CDK17: variants seen among roughly 807,000 people sequenced by gnomAD.
The protein encoded by CDK17 is cyclin-dependent kinase 17.
In CDK17, 24 loss-of-function variants were observed where a neutral mutation model predicts 77.6. The ratio of observed to expected loss-of-function variants is 0.31; its 90% CI spans 0.22 to 0.44. The LOEUF is 0.44. Ranked by LOEUF, CDK17 falls within the 20% of genes least tolerant of loss-of-function variation. The probability of loss-of-function intolerance (pLI) is 1.00; values close to 1 mark genes in which losing one functional copy is unlikely to be tolerated. For synonymous variants in CDK17, 203 were observed against 210.4 expected (o/e 0.96, Z 0.30); for missense variants, 429 against 622.5 (o/e 0.69, Z 3.31).
intron 1 of CDK17, among the ~76,000 whole-genome samples, chr12:96,338,894 T>G (rs1953084776): frequency 6.6e-6 from 1 of 152,072 alleles, no homozygotes; most frequent in Non-Finnish European, 1.5e-5. Flanking sequence ...TACCACCATT[T>G]TCCATCTCCA....
In CDK17 at chr12:96,368,097, T is replaced by C. The variant is rs1033869427; in HGVS notation, c.-30+31889A>G. 4.6e-5 allele frequency among the ~76,000 whole-genome samples: 7 copies of C among 152,014 alleles called. No homozygotes were observed. In the South Asian group the frequency reaches 1.5e-3, roughly 32 times the overall value. On this transcript the variant is annotated intron_variant, in intron 1 of 16. Transcript: ENST00000261211. The stretch of plus-strand genomic sequence containing the variant: ...ATCTATATGAATGGCCTAGGAAAAG[T>C]TCAATAGGAAAAAAAAAAGAGTGTG...
chr12:96,317,267 G>A (rs1418142169), intron 3 of CDK17, among the ~76,000 whole-genome samples: 1 of 145,618 alleles, frequency 6.9e-6, no homozygotes, highest in African/African-American at 2.5e-5. Flanking sequence ...AAAAAGAAAT[G>A]AGCAAAGCCT....
At chr12:96,359,071 T>C (rs756444566) in intron 1 of CDK17, among the ~76,000 whole-genome samples, 12 of 151,996 alleles carry the variant, frequency 7.9e-5, no homozygotes, top group Non-Finnish European at 1.8e-4. Context: ...GTCTCTTTTG[T>C]AAGATGTATC....
At chr12:96,322,309 A>G (rs978152763) in intron 3 of CDK17, among the ~76,000 whole-genome samples, 2 of 152,220 alleles carry the variant, frequency 1.3e-5, no homozygotes, top group African/African-American at 4.8e-5. Flanking sequence ...CTGCGTTACT[A>G]ACATTTTCAA....
At chr12:96,358,150 T>A (rs1953429809) in intron 1 of CDK17, among the ~76,000 whole-genome samples, 1 of 152,130 alleles carries the variant, frequency 6.6e-6, no homozygotes, top group South Asian at 2.1e-4. Context: ...TAATGCTTTT[T>A]AAAAATACAA....
chr12:96,308,035 AT>A (rs780194232), intron 5 of CDK17, among the ~76,000 whole-genome samples: 1 of 152,094 alleles, frequency 6.6e-6, no homozygotes, highest in South Asian at 2.1e-4. Flanking sequence ...GCATAAAGTG[AT>A]TTTATTTTTT....
intron 1 of CDK17, among the ~76,000 whole-genome samples, chr12:96,342,184 G>A (rs11831637): frequency 1.3e-5 from 2 of 152,074 alleles, no homozygotes; most frequent in Non-Finnish European, 2.9e-5. Flanking sequence ...TTTCAGCAAC[G>A]ATGACTATAA....
At chr12:96,300,184 T>C (rs1442505530) in intron 6 of CDK17, 120 bp downstream of exon 6, 3 of 702,700 alleles carry the variant, frequency 4.3e-6, no homozygotes, top group Non-Finnish European at 5.1e-6. Context: ...AGAACAAGTA[T>C]ATAATCTTGT....
chr12:96,315,901 T>C (rs1256414726), intron 3 of CDK17, among the ~76,000 whole-genome samples: 2 of 152,074 alleles, frequency 1.3e-5, no homozygotes, highest in Non-Finnish European at 2.9e-5. Flanking sequence ...CCCAAAGTGC[T>C]ACACTTTTGA....
intron 1 of CDK17, among the ~76,000 whole-genome samples, chr12:96,371,753 G>C (rs995873954): frequency 6.6e-5 from 10 of 151,788 alleles, no homozygotes; most frequent in Admixed American, 4.6e-4. Context: ...AAAAGAAAAA[G>C]AATGAAATTT....
At chr12:96,314,069 A>G (rs1223814152) in intron 3 of CDK17, among the ~76,000 whole-genome samples, 1 of 152,198 alleles carries the variant, frequency 6.6e-6, no homozygotes, top group African/African-American at 2.4e-5. Context: ...ATCTTCAAAT[A>G]CTCAAAAATC....
chr12:96,282,387 T>C lies in CDK17; in HGVS notation c.1456+122A>G. The stretch of plus-strand genomic sequence containing the variant: ...CACCTCCCTTCAAGAAATTCTAATC[T>C]AACTATAGAGAAGACTAGAATCTTA... On this transcript the variant is annotated intron_variant, in intron 15 of 16. Transcript: ENST00000261211. 4.9e-6 allele frequency: 3 copies of C among 618,084 alleles called. No homozygotes were observed. In the South Asian group the frequency reaches 6.7e-5, roughly 14 times the overall value. The allele number at this position is 618,084 out of a possible 1,614,324, so 38.3% of individuals were successfully genotyped here. A position where few individuals can be genotyped will look rare whatever the true frequency, so the allele number is the denominator to read the frequency against.
Sources: allele counts gnomAD v4.1 joint callset (sites outside exome capture counted in the v4.1 genomes callset), GRCh38; gene constraint gnomAD v4.1.1; transcripts MANE v1.5; gene names NCBI Gene and HGNC (gene_info 2026-07-23, HGNC 2026-07-21).